The following ACTR3C variants were observed in gnomAD, a reference collection of about 807,000 sequenced individuals.
The protein encoded by ACTR3C is actin related protein 3C.
ACTR3C carries 18 observed loss-of-function variants against 26.3 expected under a neutral mutation model. That is an observed-to-expected ratio of 0.68 (90% CI 0.47 to 1.01). The LOEUF is 1.01. ACTR3C is among the 50% of genes least tolerant of loss of function. The probability of loss-of-function intolerance (pLI) is 0.00; values close to 1 mark genes in which losing one functional copy is unlikely to be tolerated. For synonymous variants in ACTR3C, 55 were observed against 94.5 expected, an observed-to-expected ratio of 0.58 and a Z score of 2.42; for missense variants, 184 against 250.7, an observed-to-expected ratio of 0.73 and a Z score of 1.80.
At chr7:150,208,134 C>A in the ACTR3C span, among the ~76,000 whole-genome samples, 1 of 152,238 alleles carries the variant, frequency 6.6e-6, no homozygotes. Flanking sequence ...TCCCATTTAT[C>A]CCGAGCTTAC....
the ACTR3C span, among the ~76,000 whole-genome samples, chr7:149,981,475 G>T: frequency 1.3e-5 from 2 of 149,976 alleles, no homozygotes; most frequent in African/African-American, 4.8e-5. Context: ...AAGCCAGGAG[G>T]AGTCCTTTGA....
the ACTR3C span, among the ~76,000 whole-genome samples, chr7:150,096,873 A>C: frequency 6.6e-6 from 1 of 151,838 alleles, no homozygotes; most frequent in South Asian, 2.1e-4. Context: ...ATGGCCATGC[A>C]AGGACCATGC....
At chr7:150,307,847 G>A (rs994363136) in intron 1 of ACTR3C, among the ~76,000 whole-genome samples, 1 of 152,164 alleles carries the variant, frequency 6.6e-6, no homozygotes, top group East Asian at 1.9e-4. Flanking sequence ...TTTAAATTGG[G>A]TAAGTGGCCT....
the ACTR3C span, chr7:149,892,415 C>G: frequency 6.3e-7 from 1 of 1,587,862 alleles, no homozygotes; most frequent in South Asian, 1.1e-5. Context: ...AAAACACACA[C>G]ACACACAGAT....
At chr7:150,006,819 C>A in the ACTR3C span, among the ~76,000 whole-genome samples, 1 of 152,152 alleles carries the variant, frequency 6.6e-6, no homozygotes, top group African/African-American at 2.4e-5. Context: ...AAACATTTTT[C>A]AAGGTTTTAT....
the ACTR3C span, among the ~76,000 whole-genome samples, chr7:150,223,637 G>T: frequency 6.6e-6 from 1 of 151,798 alleles, no homozygotes. Context: ...CATAAGTCCA[G>T]ATGTTCCTGA....
chr7:149,896,523 C>T, the ACTR3C span, among the ~76,000 whole-genome samples: 37 of 152,030 alleles, frequency 2.4e-4, no homozygotes, highest in East Asian at 4.4e-3. Flanking sequence ...TTGTGACTGG[C>T]GGAACTGAAC....
the ACTR3C span, among the ~76,000 whole-genome samples, chr7:150,091,987 CAAAAAAAAAAAAAAAAAAAAA>C: frequency 5.2e-5 from 1 of 19,416 alleles, no homozygotes; most frequent in African/African-American, 1.4e-4. Context: ...GACTCCGTCT[CAAAAAAAAAAAAAAAAAAAAA>C]AAAAAAAAAA....
At chr7:149,912,717 G>C in the ACTR3C span, among the ~76,000 whole-genome samples, 1 of 152,132 alleles carries the variant, frequency 6.6e-6, no homozygotes. Context: ...TGGCCAGGCT[G>C]GTCTCGAACT....
At chr7:150,319,034 G>A (rs1797217354) in intron 1 of ACTR3C, among the ~76,000 whole-genome samples, 1 of 152,038 alleles carries the variant, frequency 6.6e-6, no homozygotes, top group Non-Finnish European at 1.5e-5. Flanking sequence ...AAGATACCTG[G>A]GCTGTAGACA....
the ACTR3C span, among the ~76,000 whole-genome samples, chr7:150,023,226 T>C: frequency 1.5e-4 from 22 of 143,172 alleles, no homozygotes; most frequent in Non-Finnish European, 3.1e-5. Context: ...TCTATATAGA[T>C]CTCTATATAT....
At chr7:149,977,986 C>T in the ACTR3C span, among the ~76,000 whole-genome samples, 6 of 150,980 alleles carry the variant, frequency 4.0e-5, no homozygotes, top group African/African-American at 9.8e-5. Flanking sequence ...GATAAGATGA[C>T]GACCTGACAC....
At chr7:149,911,478 T>G in the ACTR3C span, among the ~76,000 whole-genome samples, 20 of 152,230 alleles carry the variant, frequency 1.3e-4, no homozygotes, top group South Asian at 4.2e-3. Flanking sequence ...CAGAAATAAC[T>G]GCTGAATGTA....
the ACTR3C span, among the ~76,000 whole-genome samples, chr7:149,964,146 C>T: frequency 2.6e-5 from 4 of 152,084 alleles, no homozygotes; most frequent in Admixed American, 1.3e-4. Context: ...CTGTATATAC[C>T]GGGAGGGGGA....
At chr7:149,932,812 A>G in the ACTR3C span, among the ~76,000 whole-genome samples, 1 of 151,420 alleles carries the variant, frequency 6.6e-6, no homozygotes, top group Admixed American at 6.6e-5. Context: ...CCAGGCACCT[A>G]TTCTGAGAAG....
the ACTR3C span, among the ~76,000 whole-genome samples, chr7:149,991,545 A>G: frequency 6.6e-6 from 1 of 152,122 alleles, no homozygotes; most frequent in Non-Finnish European, 1.5e-5. Context: ...TGGTTTTGTT[A>G]TCAGCACACT....
At chr7:150,209,668 T>C in the ACTR3C span, among the ~76,000 whole-genome samples, 3 of 149,744 alleles carry the variant, frequency 2.0e-5, no homozygotes, top group East Asian at 5.9e-4. Flanking sequence ...CACCTGAAGA[T>C]AGGAGTTTGA....
At chr7:150,244,095 T>C (rs1435554033), downstream of ACTR3C, 42 of 148,918 alleles carry the variant, frequency 2.8e-4, no homozygotes, top group Non-Finnish European at 5.3e-4. Context: ...GAATATTCAA[T>C]ATAGTCTTAG....
At chr7:149,967,028 A>ATTTTTT in the ACTR3C span, among the ~76,000 whole-genome samples, 7,594 of 64,644 alleles carry the variant, frequency 0.12, 1,719 homozygotes, top group Non-Finnish European at 0.16. Flanking sequence ...TGCACAGCTA[A>ATTTTTT]TTTTTTTTTT....
Sources: allele counts gnomAD v4.1 joint callset (sites outside exome capture counted in the v4.1 genomes callset), GRCh38; gene constraint gnomAD v4.1.1; transcripts MANE v1.5; gene names NCBI Gene and HGNC (gene_info 2026-07-23, HGNC 2026-07-21).